Variants in EIF3H observed in about 807,000 individuals in gnomAD.
EIF3H encodes the protein eukaryotic translation initiation factor 3 subunit H, also known as eIF-3-gamma.
Under a neutral mutation model 44.2 loss-of-function variants are expected in EIF3H, and 26 were observed. That is an observed-to-expected ratio of 0.59 (90% CI 0.43 to 0.82). The LOEUF is 0.82. Ranked by LOEUF, EIF3H falls within the 40% of genes least tolerant of loss-of-function variation. EIF3H has a pLI of 0.00. For synonymous variants in EIF3H, 166 were observed against 151.9 expected (o/e 1.09, Z -0.68); for missense variants, 359 against 432.8 (o/e 0.83, Z 1.51).
intron 2 of EIF3H, among the ~76,000 whole-genome samples, chr8:116,703,249 A>C (rs1188294657): frequency 6.6e-6 from 1 of 152,192 alleles, no homozygotes; most frequent in Non-Finnish European, 1.5e-5. Context: ...CTGAAGGGAC[A>C]CGGTGAGAAG....
chr8:116,699,352 TCTAAA>T (rs1281072882), intron 2 of EIF3H, among the ~76,000 whole-genome samples: 8 of 152,342 alleles, frequency 5.3e-5, no homozygotes, highest in South Asian at 4.1e-4. Context: ...GACATTTGAC[TCTAAA>T]TTCAACAAAC....
In EIF3H at chr8:116,645,038, T is replaced by G; in HGVS notation, c.1027A>C (p.Met343Leu). ...FTAQNLGKLF[M>L]AQALQEYNN Reference sequence around the variant, plus strand: ...TTGTATTCTTGAAGAGCCTGGGCCATGAAGAGCTTGCCTAAGTTTTGGGCA... The same window carrying G: ...TTGTATTCTTGAAGAGCCTGGGCCAGGAAGAGCTTGCCTAAGTTTTGGGCA... Residue 343 changes from methionine (M) to leucine (L), a missense_variant, in exon 8 of 8, where the codon ATG becomes CTG. By Grantham distance (15) the Met-to-Leu change is conservative. Transcript: ENST00000521861. The G allele has an allele frequency of 6.2e-7, 1 of 1,614,176 alleles. No homozygotes were observed.
In EIF3H at chr8:116,711,991, A is replaced by C. The variant is rs868710916; in HGVS notation, c.289+14025T>G. On this transcript the variant is annotated intron_variant, in intron 2 of 7. Transcript: ENST00000521861. Reference sequence around the variant, plus strand: ...CCACTCAAATATTGGTTTGATGAATAAACAACAAAAGAAGAAAGAAAGAAA... The same window carrying C: ...CCACTCAAATATTGGTTTGATGAATCAACAACAAAAGAAGAAAGAAAGAAA... Among the ~76,000 whole-genome samples the C allele has an allele frequency of 4.8e-5, 6 of 125,502 alleles. No individual in the cohort carries two copies. The South Asian group carries it at 1.6e-3, about 34-fold the overall frequency. The allele number at this position is 125,502 out of a possible 152,430, so 82.3% of individuals were successfully genotyped here.
chr8:116,742,930 T>A (rs1045003131), intron 1 of EIF3H, among the ~76,000 whole-genome samples: 18 of 152,216 alleles, frequency 1.2e-4, no homozygotes, highest in African/African-American at 3.4e-4. Context: ...CATTTTCCTG[T>A]ATAAAAAGCG....
chr8:116,642,911 T>C lies in EIF3H; in HGVS notation c.*2095A>G, dbSNP rs530210065. ...AAATCTTTCATTAAGTGTGTATTCA[T>C]GTTACCAAGATATAGAAATCTAAAC... On this transcript the variant is annotated 3_prime_UTR_variant, in exon 8 of 8. Transcript: ENST00000521861. 1 of 152,368 alleles carries C rather than the reference T, an allele frequency of 6.6e-6. No homozygotes were observed. Among genetic ancestry groups the C allele is most frequent in the South Asian group, 2.1e-4 (1 of 4,834 alleles). The allele number at this position is 152,368 out of a possible 1,614,324, so 9.4% of individuals were successfully genotyped here.
intron 2 of EIF3H, among the ~76,000 whole-genome samples, chr8:116,665,824 C>T (rs753077353): frequency 3.9e-5 from 6 of 152,278 alleles, no homozygotes; most frequent in Middle Eastern, 3.4e-3. Flanking sequence ...GCTGCACATA[C>T]GTTTCAGGCA....
In EIF3H at chr8:116,642,670, G is replaced by A. The variant is rs1209503685; in HGVS notation, c.*2336C>T. ...TTATTAGACCTGGTGCTCAATTTAC[G>A]AGCTTTTCTCATTTCAACTTGAAGA... On this transcript the variant is annotated 3_prime_UTR_variant, in exon 8 of 8. Coordinates refer to ENST00000521861, the MANE Select transcript of EIF3H (RefSeq NM_003756.3). 2.6e-5 allele frequency: 4 copies of A among 152,012 alleles called. No individual in the cohort carries two copies. Among genetic ancestry groups the A allele is most frequent in the Admixed American group, 6.6e-5 (1 of 15,262 alleles). The allele number at this position is 152,012 out of a possible 1,614,324, so 9.4% of individuals were successfully genotyped here.
chr8:116,678,275 G>A (rs1360797408), intron 2 of EIF3H, among the ~76,000 whole-genome samples: 12 of 152,050 alleles, frequency 7.9e-5, no homozygotes, highest in African/African-American at 1.4e-4. Flanking sequence ...GATTGCAGAC[G>A]GAGTCTCGTT....
In EIF3H at chr8:116,645,051, T is replaced by C. The variant is rs373228104; in HGVS notation, c.1014A>G (p.Leu338=). 6.6e-5 allele frequency: 106 copies of C among 1,614,068 alleles called. No homozygotes were observed. The highest frequency in any genetic ancestry group is 8.9e-5 in the Non-Finnish European group (105 of 1,180,018). ...QNIKEFTAQN[L]GKLFMAQALQ... is the part of the protein sequence containing the mutation. ...GAGCCTGGGCCATGAAGAGCTTGCC[T>C]AAGTTTTGGGCAGTGAACTCCTTGA... The change falls in exon 8 of 8, where the codon TTA becomes TTG. Residue 338 remains leucine (L), a synonymous_variant. Transcript: ENST00000521861.
At chr8:116,660,142 C>T (rs555483755) in intron 2 of EIF3H, among the ~76,000 whole-genome samples, 17 of 152,260 alleles carry the variant, frequency 1.1e-4, no homozygotes, top group Middle Eastern at 3.4e-3. Flanking sequence ...CCACCCACCT[C>T]GGCCTCCCAA....
chr8:116,695,315 G>T (rs1222678432), intron 2 of EIF3H, among the ~76,000 whole-genome samples: 3 of 152,118 alleles, frequency 2.0e-5, no homozygotes, highest in African/African-American at 7.2e-5. Context: ...TGGCCTCAAA[G>T]GATCCGCCCA....
chr8:116,764,885 G>C (rs1434733034), intron 1 of EIF3H, among the ~76,000 whole-genome samples: 1 of 152,158 alleles, frequency 6.6e-6, no homozygotes, highest in African/African-American at 2.4e-5. Flanking sequence ...AATAAAGATA[G>C]GGTGCAAACT....
chr8:116,646,444 GC>G (rs1563631125), intron 7 of EIF3H, 26 bp downstream of exon 7: 27 of 1,613,870 alleles, frequency 1.7e-5, no homozygotes, highest in Non-Finnish European at 2.3e-5. Flanking sequence ...AACAAAACCA[GC>G]CAGGTTTTGC....
chr8:116,687,538 A>G (rs1814097408), intron 2 of EIF3H, among the ~76,000 whole-genome samples: 1 of 152,098 alleles, frequency 6.6e-6, no homozygotes, highest in Non-Finnish European at 1.5e-5. Context: ...TTACTGTATC[A>G]CATAAAGACA....
intron 2 of EIF3H, among the ~76,000 whole-genome samples, chr8:116,682,304 A>G (rs1167686732): frequency 6.6e-6 from 1 of 152,240 alleles, no homozygotes; most frequent in Non-Finnish European, 1.5e-5. Flanking sequence ...ATTTAAGTCA[A>G]TAAAGTCTCA....
chr8:116,716,168 C>T (rs1168715614), intron 2 of EIF3H, among the ~76,000 whole-genome samples: 1 of 152,010 alleles, frequency 6.6e-6, no homozygotes, highest in Non-Finnish European at 1.5e-5. Flanking sequence ...CTCGTTGTTT[C>T]TAGTACTCAA....
At chr8:116,755,922 CCCCG>C (rs747563151), upstream of EIF3H, 3 of 1,542,136 alleles carry the variant, frequency 1.9e-6, no homozygotes, top group Non-Finnish European at 2.6e-6. Flanking sequence ...CAAAATTGGG[CCCCG>C]CCTCCCTCCT....
At chr8:116,681,330 C>G (rs1208855386) in intron 2 of EIF3H, among the ~76,000 whole-genome samples, 1 of 152,064 alleles carries the variant, frequency 6.6e-6, no homozygotes, top group Non-Finnish European at 1.5e-5. Flanking sequence ...CCACTACACT[C>G]CAGCCTGCGT....
chr8:116,710,086 A>G (rs1489498340), intron 2 of EIF3H, among the ~76,000 whole-genome samples: 1 of 152,158 alleles, frequency 6.6e-6, no homozygotes, highest in African/African-American at 2.4e-5. Context: ...CTCTTTTCTC[A>G]TTCTGCTTGC....
Sources: allele counts gnomAD v4.1 joint callset (sites outside exome capture counted in the v4.1 genomes callset), GRCh38; gene constraint gnomAD v4.1.1; transcripts MANE v1.5; gene names NCBI Gene and HGNC (gene_info 2026-07-23, HGNC 2026-07-21).